Variants in UNC93A observed in about 807,000 individuals in gnomAD.
The protein encoded by UNC93A is unc-93 homolog A.
A neutral mutation model predicts 47.5 loss-of-function variants in UNC93A; 43 were observed. The observed-to-expected ratio is 0.91, with a 90% confidence interval of 0.71 to 1.17. The LOEUF (loss-of-function observed/expected upper bound fraction) is 1.17. Among genes scored for constraint, UNC93A ranks in the 50% most tolerant of loss-of-function variants. The probability of loss-of-function intolerance (pLI) is 0.00; values close to 1 mark genes in which losing one functional copy is unlikely to be tolerated. For missense variants in UNC93A, 605 were observed against 577.6 expected, an observed-to-expected ratio of 1.05 and a Z score of -0.49; for synonymous variants, 280 against 258.0, an observed-to-expected ratio of 1.09 and a Z score of -0.82.
intron 3 of UNC93A, 59 bp downstream of exon 3, chr6:167,296,320 G>C (rs973607983): frequency 8.3e-6 from 13 of 1,565,282 alleles, no homozygotes; most frequent in Admixed American, 3.4e-5. Context: ...CAGTGATGGG[G>C]GAGAGGGTTC....
chr6:167,286,428 C>T (rs144971671), upstream of UNC93A, among the ~76,000 whole-genome samples: 1,376 of 152,334 alleles, frequency 9.0e-3, 23 homozygotes, highest in African/African-American at 0.031. Flanking sequence ...GAAAATGCCT[C>T]AGTCTCACCT....
At chr6:167,297,250 T>C (rs1322161794) in intron 3 of UNC93A, among the ~76,000 whole-genome samples, 1 of 152,190 alleles carries the variant, frequency 6.6e-6, no homozygotes, top group Non-Finnish European at 1.5e-5. Context: ...CTGGAGGGAT[T>C]TGGAGGGCGT....
chr6:167,313,750 C>T (rs1190993484), intron 7 of UNC93A, among the ~76,000 whole-genome samples: 4 of 152,130 alleles, frequency 2.6e-5, no homozygotes, highest in Non-Finnish European at 4.4e-5. Context: ...CATGATCTAC[C>T]ACTTATAGCC....
chr6:167,297,806 G>A, intron 3 of UNC93A, 139 bp from the exon 4 acceptor site: 1 of 1,055,320 alleles, frequency 9.5e-7, no homozygotes, highest in Non-Finnish European at 1.4e-6. Context: ...TTGAGACACT[G>A]GGTCTTTCCA....
At chr6:167,278,691 A>G (rs2115079422) in intron 1 of UNC93A, among the ~76,000 whole-genome samples, 1 of 152,166 alleles carries the variant, frequency 6.6e-6, no homozygotes, top group South Asian at 2.1e-4. Context: ...TTATCTGCAA[A>G]TGCAGCCATC....
At chr6:167,307,651 G>A in intron 6 of UNC93A, 128 bp from the exon 7 acceptor site, 3 of 1,183,736 alleles carry the variant, frequency 2.5e-6, no homozygotes, top group Non-Finnish European at 3.6e-6. Flanking sequence ...TGAGATGGTT[G>A]AGACGGTTCC....
At chr6:167,302,494 G>A (rs532472156) in intron 4 of UNC93A, among the ~76,000 whole-genome samples, 1 of 152,256 alleles carries the variant, frequency 6.6e-6, no homozygotes, top group East Asian at 1.9e-4. Flanking sequence ...CCACTGCCAG[G>A]TGGGAGGAAA....
chr6:167,303,892 G>C, intron 4 of UNC93A, 27 bp from the exon 5 acceptor site: 1 of 1,612,744 alleles, frequency 6.2e-7, no homozygotes, highest in South Asian at 1.1e-5. Flanking sequence ...CCCCATGAAA[G>C]CTGAAGCCTT....
intron 1 of UNC93A, among the ~76,000 whole-genome samples, chr6:167,283,993 G>A (rs1783678341): frequency 2.0e-5 from 3 of 152,178 alleles, no homozygotes; most frequent in South Asian, 4.1e-4. Flanking sequence ...CTCAGGGTCA[G>A]GCTTTCCCTC....
At chr6:167,278,755 G>A (rs1334416354) in intron 1 of UNC93A, among the ~76,000 whole-genome samples, 3 of 152,138 alleles carry the variant, frequency 2.0e-5, no homozygotes, top group Admixed American at 6.6e-5. Context: ...GCAGACAGAC[G>A]CTGGGGAGAC....
chr6:167,293,583 C>A (rs1288400456), intron 1 of UNC93A, among the ~76,000 whole-genome samples: 1 of 152,146 alleles, frequency 6.6e-6, no homozygotes, highest in Middle Eastern at 3.2e-3. Flanking sequence ...CTCCAAGAAC[C>A]CCAAGGCTAC....
intron 4 of UNC93A, chr6:167,298,466 A>ACTGTTTGTG (rs1778153240): frequency 6.4e-6 from 1 of 155,220 alleles, no homozygotes; most frequent in African/African-American, 2.4e-5. Flanking sequence ...ACTGGGATTG[A>ACTGTTTGTG]CTGTTTGTGT....
At chr6:167,277,220 T>A (rs1164995646) in intron 1 of UNC93A, among the ~76,000 whole-genome samples, 1 of 152,242 alleles carries the variant, frequency 6.6e-6, no homozygotes, top group Non-Finnish European at 1.5e-5. Context: ...CCCTGAGAAC[T>A]GCGCCTGTGC....
chr6:167,293,346 C>A (rs1481118028), intron 1 of UNC93A, among the ~76,000 whole-genome samples: 13 of 152,156 alleles, frequency 8.5e-5, no homozygotes, highest in Admixed American at 8.5e-4. Context: ...CTCTGCAGGG[C>A]CCCAGGACTG....
At chr6:167,299,998 G>T (rs1319980331) in intron 4 of UNC93A, among the ~76,000 whole-genome samples, 1 of 152,212 alleles carries the variant, frequency 6.6e-6, no homozygotes, top group Admixed American at 6.5e-5. Flanking sequence ...CAGGTACGGG[G>T]AGGCAGAGAT....
chr6:167,275,454 A>C (rs1783523655), intron 1 of UNC93A, among the ~76,000 whole-genome samples: 1 of 152,210 alleles, frequency 6.6e-6, no homozygotes, highest in South Asian at 2.1e-4. Context: ...GGCACTCTCC[A>C]CATTTGGGCT....
At chr6:167,276,702 G>T (rs1008028644) in intron 1 of UNC93A, among the ~76,000 whole-genome samples, 6 of 152,250 alleles carry the variant, frequency 3.9e-5, no homozygotes, top group Middle Eastern at 3.4e-3. Flanking sequence ...ACTCTTCCAT[G>T]TTTGGGAAAT....
At chr6:167,295,293 T>C (rs1778027237) in intron 2 of UNC93A, among the ~76,000 whole-genome samples, 1 of 152,242 alleles carries the variant, frequency 6.6e-6, no homozygotes, top group Non-Finnish European at 1.5e-5. Flanking sequence ...CAAGTCCTTC[T>C]TCCCGGTAGC....
intron 3 of UNC93A, 39 bp downstream of exon 3, chr6:167,296,300 G>C (rs375487573): frequency 5.0e-6 from 8 of 1,605,676 alleles, no homozygotes; most frequent in Admixed American, 1.7e-5. Context: ...TCCAAGTGGA[G>C]CAGGGGTTTC....
Sources: gnomAD v4.1 joint callset for allele counts (sites outside exome capture counted in the v4.1 genomes callset) on GRCh38, gnomAD v4.1.1 for gene constraint, MANE v1.5 for transcripts, NCBI Gene and HGNC (gene_info 2026-07-23, HGNC 2026-07-21) for gene names.